Variants in THSD4 observed in about 807,000 individuals in gnomAD.
THSD4 encodes the protein thrombospondin type 1 domain containing 4, also known as thrombospondin type-1 domain-containing protein 4.
Under a neutral mutation model 119.0 loss-of-function variants are expected in THSD4, and 69 were observed. That is an observed-to-expected ratio of 0.58 (90% CI 0.48 to 0.71). THSD4 has a LOEUF of 0.71. THSD4 is among the 30% of genes least tolerant of loss of function. THSD4 has a pLI of 0.00. For synonymous variants in THSD4, 524 were observed against 540.4 expected, an observed-to-expected ratio of 0.97 and a Z score of 0.42; for missense variants, 1,393 against 1,391.1, an observed-to-expected ratio of 1.00 and a Z score of -0.02.
chr15:71,439,948 G>A (rs1398264144), intron 7 of THSD4, among the ~76,000 whole-genome samples: 1 of 152,020 alleles, frequency 6.6e-6, no homozygotes, highest in Non-Finnish European at 1.5e-5. Flanking sequence ...AAACCACCAT[G>A]GCATGTGTAT....
chr15:71,636,983 C>T (rs527603584), intron 7 of THSD4, among the ~76,000 whole-genome samples: 1 of 151,982 alleles, frequency 6.6e-6, no homozygotes, highest in South Asian at 2.1e-4. Flanking sequence ...CTCCCGAGTT[C>T]AAGTGATTTC....
At position 71,243,037 on chromosome 15, in the gene THSD4, C is replaced by G. The variant is rs376974439; in HGVS notation, c.853C>G (p.Arg285Gly). 5 of 1,614,184 alleles carry G rather than the reference C, an allele frequency of 3.1e-6. No individual in the cohort carries two copies. In the Admixed American group the frequency reaches 8.3e-5, roughly 27 times the overall value. The change falls in exon 5 of 18, where the codon CGA becomes GGA. Residue 285 changes from arginine (R) to glycine (G), a missense_variant. Coordinates refer to ENST00000261862, the MANE Select transcript of THSD4 (RefSeq NM_024817.3). Reference sequence around the variant, plus strand: ...AACTCAGAGCTTCTCTCAGCCTGCCCGATCTACAGCAATCTCATGCATCGG... The same window carrying G: ...AACTCAGAGCTTCTCTCAGCCTGCCGGATCTACAGCAATCTCATGCATCGG... Reference protein sequence around the residue: ...GATQSFSQPARSTAISCIGAY... With the variant: ...GATQSFSQPAGSTAISCIGAY...
At chr15:71,191,347 C>A (rs1035540084) in intron 3 of THSD4, among the ~76,000 whole-genome samples, 1 of 152,122 alleles carries the variant, frequency 6.6e-6, no homozygotes, top group African/African-American at 2.4e-5. Flanking sequence ...TTCTGGGCAC[C>A]AGTGTTTATG....
At chr15:71,625,920 AGGACT>A (rs756914271) in intron 7 of THSD4, among the ~76,000 whole-genome samples, 1 of 152,198 alleles carries the variant, frequency 6.6e-6, no homozygotes, top group Non-Finnish European at 1.5e-5. Context: ...GACTTCCTGG[AGGACT>A]CTGCAGGATT....
At chr15:71,405,727 A>G (rs2046596513) in intron 6 of THSD4, among the ~76,000 whole-genome samples, 1 of 152,232 alleles carries the variant, frequency 6.6e-6, no homozygotes, top group Non-Finnish European at 1.5e-5. Flanking sequence ...CTGTAGATCA[A>G]TATGGGGGAG....
intron 6 of THSD4, among the ~76,000 whole-genome samples, chr15:71,339,602 G>C (rs1003478352): frequency 6.6e-6 from 1 of 152,084 alleles, no homozygotes; most frequent in Non-Finnish European, 1.5e-5. Context: ...GCACTACCTA[G>C]TATGGTAGGA....
intron 7 of THSD4, among the ~76,000 whole-genome samples, chr15:71,603,627 G>A (rs1323163612): frequency 6.6e-6 from 1 of 151,922 alleles, no homozygotes; most frequent in East Asian, 1.9e-4. Context: ...TAGGTTCAGG[G>A]ACTGGCTGAG....
intron 6 of THSD4, among the ~76,000 whole-genome samples, chr15:71,395,640 C>T (rs1390831295): frequency 6.6e-6 from 1 of 152,034 alleles, no homozygotes; most frequent in African/African-American, 2.4e-5. Context: ...ACTCAGGAGG[C>T]TGAGGCAGGA....
At chr15:71,336,177 T>G (rs1238587579) in intron 6 of THSD4, among the ~76,000 whole-genome samples, 1 of 152,216 alleles carries the variant, frequency 6.6e-6, no homozygotes, top group African/African-American at 2.4e-5. Context: ...TTCTAGAATG[T>G]TTTTAATCAA....
intron 6 of THSD4, among the ~76,000 whole-genome samples, chr15:71,330,087 GAA>G (rs58866556): frequency 3.1e-5 from 4 of 130,850 alleles, no homozygotes; most frequent in East Asian, 2.3e-4. Context: ...GTCTCCAAAG[GAA>G]AAAAAAAAAA....
intron 6 of THSD4, among the ~76,000 whole-genome samples, chr15:71,374,143 T>C (rs1415214702): frequency 6.6e-6 from 1 of 152,248 alleles, no homozygotes; most frequent in African/African-American, 2.4e-5. Context: ...ATGTTTCTAG[T>C]GCTCAGTACT....
intron 6 of THSD4, among the ~76,000 whole-genome samples, chr15:71,368,659 C>T (rs1423654940): frequency 6.6e-6 from 1 of 152,114 alleles, no homozygotes; most frequent in African/African-American, 2.4e-5. Flanking sequence ...TGTTTTGGTA[C>T]CAGTACCATG....
chr15:71,597,438 C>T (rs895598093), intron 7 of THSD4, among the ~76,000 whole-genome samples: 4 of 152,182 alleles, frequency 2.6e-5, no homozygotes, highest in African/African-American at 9.7e-5. Context: ...GTAACATATA[C>T]ATGCAGCTCT....
Position 71,360,657 on chromosome 15 carries a change from C to T in THSD4, c.1016-51030C>T, listed in dbSNP as rs891998146. ...TGTATTTTGCTAGCATATGACTCCT[C>T]CTCAGATGCCTTTTTCATCCACAGT... is the stretch of plus-strand genomic sequence containing the variant. On this transcript the variant is annotated intron_variant, in intron 6 of 17. Transcript: ENST00000261862. 2.0e-5 allele frequency among the ~76,000 whole-genome samples: 3 copies of T among 152,298 alleles called. No homozygotes were observed. In the South Asian group the frequency reaches 6.2e-4, roughly 32 times the overall value.
chr15:71,351,663 A>G (rs182581660), intron 6 of THSD4, among the ~76,000 whole-genome samples: 115 of 152,242 alleles, frequency 7.6e-4, no homozygotes, highest in Middle Eastern at 3.4e-3. Flanking sequence ...GCGATCTCCA[A>G]TGTCTTATTG....
chr15:71,721,799 A>G (rs2052728006), intron 8 of THSD4, among the ~76,000 whole-genome samples: 1 of 152,068 alleles, frequency 6.6e-6, no homozygotes, highest in Non-Finnish European at 1.5e-5. Flanking sequence ...TAGGCCAAAA[A>G]TATTTGCCCA....
chr15:71,662,381 T>G (rs184830142), intron 8 of THSD4, among the ~76,000 whole-genome samples: 1 of 152,298 alleles, frequency 6.6e-6, no homozygotes, highest in African/African-American at 2.4e-5. Context: ...AAACCTAGTT[T>G]CCCAGTGAGT....
At chr15:71,665,621 T>C (rs891323689) in intron 8 of THSD4, among the ~76,000 whole-genome samples, 2 of 152,222 alleles carry the variant, frequency 1.3e-5, no homozygotes, top group African/African-American at 4.8e-5. Flanking sequence ...TAGGGTTTTA[T>C]AGTTTTGGGT....
At chr15:71,321,451 G>A (rs188272103) in intron 6 of THSD4, among the ~76,000 whole-genome samples, 2 of 152,216 alleles carry the variant, frequency 1.3e-5, no homozygotes, top group African/African-American at 4.8e-5. Context: ...CAGGAGAATC[G>A]CTTGAACCTA....
Sources: allele counts gnomAD v4.1 joint callset (sites outside exome capture counted in the v4.1 genomes callset), GRCh38; gene constraint gnomAD v4.1.1; transcripts MANE v1.5; gene names NCBI Gene and HGNC (gene_info 2026-07-23, HGNC 2026-07-21).